NCK2: variants seen among roughly 807,000 people sequenced by gnomAD.
The protein encoded by NCK2 is cytoplasmic protein NCK2.
NCK2 carries 16 observed loss-of-function variants against 33.9 expected under a neutral mutation model. That is an observed-to-expected ratio of 0.47 (90% confidence interval 0.32 to 0.72). The LOEUF (loss-of-function observed/expected upper bound fraction) is 0.72. Among genes scored for constraint, NCK2 ranks in the 30% least tolerant of loss-of-function variants. NCK2 has a pLI of 0.03. For synonymous variants in NCK2, 273 were observed against 239.9 expected (o/e 1.14, Z -1.27); for missense variants, 418 against 537.3 (o/e 0.78, Z 2.19).
chr2:105,815,229 A>G (rs1675437577), intron 1 of NCK2, among the ~76,000 whole-genome samples: 1 of 152,264 alleles, frequency 6.6e-6, no homozygotes, highest in African/African-American at 2.4e-5. Context: ...CTGTATTAAA[A>G]TGATGCGGCC....
At chr2:105,866,073 C>A (rs978309450) in intron 3 of NCK2, among the ~76,000 whole-genome samples, 1 of 152,132 alleles carries the variant, frequency 6.6e-6, no homozygotes, top group Admixed American at 6.5e-5. Flanking sequence ...CGCCGCCACA[C>A]CCAGTTGATT....
At chr2:105,849,765 G>A (rs537066538) in intron 2 of NCK2, among the ~76,000 whole-genome samples, 1 of 152,326 alleles carries the variant, frequency 6.6e-6, no homozygotes, top group East Asian at 1.9e-4. Flanking sequence ...GGAACCTGGT[G>A]CTTAGAAAAC....
intron 2 of NCK2, among the ~76,000 whole-genome samples, chr2:105,819,297 T>A (rs1675633248): frequency 6.6e-6 from 1 of 151,008 alleles, no homozygotes; most frequent in Non-Finnish European, 1.5e-5. Flanking sequence ...TAAGAAAACT[T>A]CTCAAACCCA....
At chr2:105,760,763 G>C (rs1689741738) in intron 1 of NCK2, among the ~76,000 whole-genome samples, 1 of 152,098 alleles carries the variant, frequency 6.6e-6, no homozygotes, top group African/African-American at 2.4e-5. Context: ...TAGATGCCAG[G>C]CTTCTCTGAA....
chr2:105,767,676 C>T (rs11687998), intron 1 of NCK2, among the ~76,000 whole-genome samples: 23,857 of 152,174 alleles, frequency 0.16, 2,195 homozygotes, highest in East Asian at 0.3. Context: ...GAAGAAGAAC[C>T]GCAGCCCCTA....
chr2:105,785,220 C>T (rs143952945), intron 1 of NCK2, among the ~76,000 whole-genome samples: 1,680 of 152,270 alleles, frequency 0.011, 31 homozygotes, highest in African/African-American at 0.038. Context: ...CCTCATGATC[C>T]GCCCATCTCG....
intron 4 of NCK2, among the ~76,000 whole-genome samples, chr2:105,883,154 C>T (rs1678577565): frequency 6.6e-6 from 1 of 152,158 alleles, no homozygotes; most frequent in Non-Finnish European, 1.5e-5. Flanking sequence ...ACGGGAATGC[C>T]AGGCTGAAAG....
At chr2:105,794,605 T>A (rs1430647391) in intron 1 of NCK2, among the ~76,000 whole-genome samples, 2 of 152,206 alleles carry the variant, frequency 1.3e-5, no homozygotes, top group African/African-American at 4.8e-5. Context: ...ATAATTCCTC[T>A]CTGTACTTAA....
chr2:105,816,430 A>C lies in NCK2; in HGVS notation c.-200A>C, dbSNP rs980030081. On this transcript the variant is annotated splice_region_variant and 5_prime_UTR_variant, in exon 2 of 5. Transcript: ENST00000233154. ...CTAATATATGCTTCTTTCTTTTTAG[A>C]TTTCATGTGTTCTTTGTATACAAGC... 6.6e-6 allele frequency: 1 copy of C among 152,184 alleles called. No individual in the cohort carries two copies. The highest frequency in any genetic ancestry group is 2.4e-5 in the African/African-American group (1 of 41,454). The allele number at this position is 152,184 out of a possible 1,614,324, so 9.4% of individuals were successfully genotyped here. A position where few individuals can be genotyped will look rare whatever the true frequency, so the allele number is the denominator to read the frequency against.
rs1678489773 is a variant in NCK2, at chr2:105,881,610, A to T, written c.509A>T (p.Asp170Val). 6.2e-7 allele frequency: 1 copy of T among 1,613,620 alleles called. No homozygotes were observed. The highest frequency in any genetic ancestry group is 1.3e-5 in the African/African-American group (1 of 74,934). ...FPSNYVLEEV[D>V]EAAAESPSFL... is the part of the protein sequence containing the mutation. ...TCCAACTACGTCTTGGAGGAGGTGG[A>T]CGAGGCGGCTGCGGAGTCCCCAAGC... The change falls in exon 4 of 5, where the codon GAC (aspartate) becomes GTC (valine). Residue 170 changes from aspartate to valine, a missense_variant. Coordinates refer to ENST00000233154, the MANE Select transcript of NCK2 (RefSeq NM_003581.5).
chr2:105,754,839 A>G (rs1013996273), intron 1 of NCK2, among the ~76,000 whole-genome samples: 6 of 152,184 alleles, frequency 3.9e-5, no homozygotes, highest in African/African-American at 1.4e-4. Context: ...ATATAGGTGA[A>G]GAGTGAATTT....
At chr2:105,835,409 G>GTGTATATATATATATGTA (rs56250020) in intron 2 of NCK2, among the ~76,000 whole-genome samples, 60 of 59,266 alleles carry the variant, frequency 1.0e-3, no homozygotes, top group Admixed American at 1.7e-3. Context: ...ATATATACGT[G>GTGTATATATATATATGTA]TATATATATA....
chr2:105,789,389 T>C (rs1263783959), intron 1 of NCK2, among the ~76,000 whole-genome samples: 1 of 152,196 alleles, frequency 6.6e-6, no homozygotes, highest in Non-Finnish European at 1.5e-5. Context: ...GGTTTCGCCA[T>C]GTTGGCCAGG....
intron 3 of NCK2, among the ~76,000 whole-genome samples, chr2:105,880,936 A>AT (rs59005322): frequency 0.055 from 5,641 of 102,694 alleles, 424 homozygotes; most frequent in East Asian, 0.095. Flanking sequence ...CAGGTGGCTA[A>AT]TTTTTTTTTT....
intron 1 of NCK2, among the ~76,000 whole-genome samples, chr2:105,758,208 A>G (rs1689653974): frequency 6.6e-6 from 1 of 152,162 alleles, no homozygotes; most frequent in Non-Finnish European, 1.5e-5. Flanking sequence ...ATAATGGCAT[A>G]AAGCCATTAT....
At chr2:105,805,179 C>T (rs6713106) in intron 1 of NCK2, among the ~76,000 whole-genome samples, 23,924 of 152,106 alleles carry the variant, frequency 0.16, 3,091 homozygotes, top group African/African-American at 0.36. Flanking sequence ...GAAGAGAGCA[C>T]GTTTGAGTTC....
chr2:105,837,586 C>T (rs370944534), intron 2 of NCK2, among the ~76,000 whole-genome samples: 1 of 152,308 alleles, frequency 6.6e-6, no homozygotes, highest in East Asian at 1.9e-4. Context: ...GTCCCTGAGG[C>T]ACAGTGCAAG....
chr2:105,834,930 A>G (rs1477763062), intron 2 of NCK2, among the ~76,000 whole-genome samples: 1 of 152,112 alleles, frequency 6.6e-6, no homozygotes, highest in Non-Finnish European at 1.5e-5. Context: ...CTCCCATCCC[A>G]GCCTCCAAAA....
intron 1 of NCK2, among the ~76,000 whole-genome samples, chr2:105,782,200 C>T (rs1357921340): frequency 6.6e-6 from 1 of 152,236 alleles, no homozygotes; most frequent in African/African-American, 2.4e-5. Context: ...AAGGGGACAA[C>T]CCTCCTGGTC....
Sources: gnomAD v4.1 joint callset for allele counts (sites outside exome capture counted in the v4.1 genomes callset) on GRCh38, gnomAD v4.1.1 for gene constraint, MANE v1.5 for transcripts, NCBI Gene and HGNC (gene_info 2026-07-23, HGNC 2026-07-21) for gene names.